Variants in RIMBP2 observed in about 807,000 individuals in gnomAD.
The protein encoded by RIMBP2 is RIMS binding protein 2, also known as RIMS-binding protein 2.
A neutral mutation model predicts 118.6 loss-of-function variants in RIMBP2; 48 were observed. The ratio of observed to expected loss-of-function variants is 0.40; its 90% CI spans 0.32 to 0.51. RIMBP2 has a LOEUF of 0.51. RIMBP2 is among the 20% of genes least tolerant of loss of function. RIMBP2 has a pLI of 0.41. For synonymous variants in RIMBP2, 762 were observed against 742.9 expected (o/e 1.03, Z -0.42); for missense variants, 1,551 against 1,768.3 (o/e 0.88, Z 2.20).
chr12:130,424,048 C>G lies in RIMBP2; in HGVS notation c.3129+94G>C, dbSNP rs183077050. 399 of 642,832 alleles carry G rather than the reference C, an allele frequency of 6.2e-4. 2 individuals carry two copies. In the African/African-American group the frequency reaches 7.0e-3, roughly 11 times the overall value. 39.8% of individuals were successfully genotyped at this position (642,832 alleles called of 1,614,324 possible). ...GAAAGACAGCCAGCAAGAGAGTCCCCAGGGATGGACACCAGAACAAACAGA... is the reference window on the plus strand; with the variant it reads ...GAAAGACAGCCAGCAAGAGAGTCCCGAGGGATGGACACCAGAACAAACAGA... On this transcript the variant is annotated intron_variant, in intron 16 of 22. Transcript: ENST00000690449. The surrounding 1 kb of genome is among the most constrained non-coding windows in gnomAD (Gnocchi z 9.8).
At position 130,688,205 on chromosome 12, in the gene RIMBP2, G is replaced by A. The variant is rs569213869; in HGVS notation, c.-352+28017C>T. Among the ~76,000 whole-genome samples, 108 of 152,254 alleles carry A rather than the reference G, an allele frequency of 7.1e-4. No individual in the cohort carries two copies. Among genetic ancestry groups the A allele is most frequent in the African/African-American group, 2.1e-3 (86 of 41,572 alleles). On this transcript the variant is annotated intron_variant, in intron 1 of 22. Transcript: ENST00000690449. The surrounding 1 kb of genome is among the most constrained non-coding windows in gnomAD (Gnocchi z 4.7). ...GCTGCTTGGCTTTGTGAACAGTTGC[G>A]TGGTGGCTTCTCAGCGGCCTTGGTG...
At chr12:130,562,985 G>C (rs994244130) in intron 2 of RIMBP2, among the ~76,000 whole-genome samples, 1 of 152,160 alleles carries the variant, frequency 6.6e-6, no homozygotes, top group Non-Finnish European at 1.5e-5. Context: ...TATGACGGAC[G>C]GCTGGCTGTG....
chr12:130,547,081 G>A (rs1380138890), intron 2 of RIMBP2, among the ~76,000 whole-genome samples: 2 of 152,186 alleles, frequency 1.3e-5, no homozygotes, highest in Non-Finnish European at 2.9e-5. Context: ...CACTGAGACT[G>A]TGAAAATAAA....
intron 5 of RIMBP2, among the ~76,000 whole-genome samples, chr12:130,477,332 G>A (rs1204131324): frequency 6.7e-6 from 1 of 150,268 alleles, no homozygotes; most frequent in Non-Finnish European, 1.5e-5. Context: ...TTCCTGGACA[G>A]TCTCTGTGTT....
intron 2 of RIMBP2, among the ~76,000 whole-genome samples, chr12:130,572,768 G>A (rs1412720028): frequency 6.6e-6 from 1 of 151,990 alleles, no homozygotes; most frequent in Non-Finnish European, 1.5e-5. Flanking sequence ...GGGGAACGCT[G>A]GCACACAGCC....
chr12:130,669,003 T>C (rs2064078149), intron 1 of RIMBP2: 1 of 152,306 alleles, frequency 6.6e-6, no homozygotes, highest in Non-Finnish European at 1.5e-5. Flanking sequence ...ACAGGTTATA[T>C]AACACGTGGA....
At chr12:130,684,762 C>G (rs2064964383) in intron 1 of RIMBP2, among the ~76,000 whole-genome samples, 1 of 152,196 alleles carries the variant, frequency 6.6e-6, no homozygotes, top group Non-Finnish European at 1.5e-5. Context: ...CAGAGCACAT[C>G]TCCCCATGAT....
intron 17 of RIMBP2, among the ~76,000 whole-genome samples, chr12:130,415,594 T>G (rs112032747): frequency 3.3e-5 from 5 of 152,122 alleles, no homozygotes; most frequent in Admixed American, 3.3e-4. Context: ...ATATAGGAAA[T>G]AAGAAGTCAA....
Position 130,664,431 on chromosome 12 carries a change from GCATGCACGCACACACGCACACA to G in RIMBP2, c.-351-35997_-351-35976del, listed in dbSNP as rs2063814964. 5.0e-5 allele frequency among the ~76,000 whole-genome samples: 2 copies of G among 39,848 alleles called. 1 individual carries two copies. Among genetic ancestry groups the G allele is most frequent in the South Asian group, 1.6e-3 (2 of 1,232 alleles). The allele number at this position is 39,848 out of a possible 152,430, so 26.1% of individuals were successfully genotyped here. The stretch of plus-strand genomic sequence containing the variant: ...CGCACGCACACACACGCACACACAT[GCATGCACGCACACACGCACACA>G]CATGCACGCACACACACGCACGCAC... On this transcript the variant is annotated intron_variant, in intron 1 of 22. Transcript: ENST00000690449.
intron 2 of RIMBP2, among the ~76,000 whole-genome samples, chr12:130,610,120 C>T (rs2060426162): frequency 6.6e-6 from 1 of 150,746 alleles, no homozygotes; most frequent in Non-Finnish European, 1.5e-5. Context: ...GCCTGCTCCT[C>T]CCAGTCCCTC....
chr12:130,592,737 C>G (rs1391707984), intron 2 of RIMBP2, among the ~76,000 whole-genome samples: 1 of 150,230 alleles, frequency 6.7e-6, no homozygotes, highest in Non-Finnish European at 1.5e-5. Flanking sequence ...GCACAGAGAA[C>G]CCGGGGGACC....
chr12:130,397,599 G>T, intron 22 of RIMBP2, 50 bp from the exon 23 acceptor site: 1 of 398,648 alleles, frequency 2.5e-6, no homozygotes, highest in Non-Finnish European at 4.4e-6. Flanking sequence ...GCCAACAACA[G>T]AATTCACTTG....
intron 14 of RIMBP2, chr12:130,432,266 G>A (rs760267657): frequency 1.8e-5 from 8 of 456,408 alleles, no homozygotes; most frequent in African/African-American, 1.4e-4. Context: ...GCTCTGTTAG[G>A]AGACCATCTG....
rs1021709514 is a variant in RIMBP2 at position 130,617,918 on chromosome 12, G to T, written c.-217+10404C>A. Among the ~76,000 whole-genome samples the T allele has an allele frequency of 6.7e-6, 1 of 149,644 alleles. No homozygotes were observed. Among genetic ancestry groups the T allele is most frequent in the African/African-American group, 2.5e-5 (1 of 40,660 alleles). ...TTAGAAACATCTAACTCGGCCGGGT[G>T]TGGTGGCCCACGCCTGTAATCCCAG... is the stretch of plus-strand genomic sequence containing the variant. On this transcript the variant is annotated intron_variant, in intron 2 of 22. Coordinates refer to ENST00000690449, the MANE Select transcript of RIMBP2 (RefSeq NM_001393629.1). The surrounding 1 kb of genome is among the most constrained non-coding windows in gnomAD (Gnocchi z 4.6).
intron 4 of RIMBP2, among the ~76,000 whole-genome samples, chr12:130,497,934 C>T (rs2049345692): frequency 6.6e-6 from 1 of 152,124 alleles, no homozygotes; most frequent in Non-Finnish European, 1.5e-5. Flanking sequence ...GAGGAGATGC[C>T]GGAAATCACC....
At chr12:130,691,879 T>C (rs552448706) in intron 1 of RIMBP2, among the ~76,000 whole-genome samples, 1 of 152,218 alleles carries the variant, frequency 6.6e-6, no homozygotes, top group South Asian at 2.1e-4. Flanking sequence ...GTGCTTTCCT[T>C]GTGGAGGCCC....
intron 1 of RIMBP2, among the ~76,000 whole-genome samples, chr12:130,664,423 A>ACGCACG (rs1555320894): frequency 2.2e-5 from 2 of 88,904 alleles, no homozygotes; most frequent in African/African-American, 3.6e-5. Flanking sequence ...ACACACACGC[A>ACGCACG]CACACATGCA....
At chr12:130,553,393 A>G (rs2056023008) in intron 2 of RIMBP2, among the ~76,000 whole-genome samples, 1 of 152,214 alleles carries the variant, frequency 6.6e-6, no homozygotes, top group Non-Finnish European at 1.5e-5. Flanking sequence ...CTATAATGTG[A>G]GCATAATTAT....
chr12:130,447,340 G>C lies in RIMBP2; in HGVS notation c.582-2071C>G, dbSNP rs559614306. Among the ~76,000 whole-genome samples, 1 of 151,790 alleles carries C rather than the reference G, an allele frequency of 6.6e-6. No individual in the cohort carries two copies. The highest frequency in any genetic ancestry group is 2.0e-4 in the East Asian group (1 of 5,090). ...GTGACAACCTCGTCGGTGCTCCTGC[G>C]TGTGGGCCCTGGAGGCCACCCGACC... On this transcript the variant is annotated intron_variant, in intron 9 of 22. Coordinates refer to ENST00000690449, the MANE Select transcript of RIMBP2 (RefSeq NM_001393629.1). The surrounding 1 kb of genome is among the most constrained non-coding windows in gnomAD (Gnocchi z 4.4).
Sources: allele counts gnomAD v4.1 joint callset (sites outside exome capture counted in the v4.1 genomes callset), GRCh38; gene constraint gnomAD v4.1.1; non-coding constraint Gnocchi (gnomAD v3.1); transcripts MANE v1.5; gene names NCBI Gene and HGNC (gene_info 2026-07-23, HGNC 2026-07-21).